CCDC3: variants seen among roughly 807,000 people sequenced by gnomAD.
CCDC3 encodes the protein coiled-coil domain-containing protein 3.
CCDC3 carries 24 observed loss-of-function variants against 21.4 expected under a neutral mutation model. The observed-to-expected ratio is 1.12, with a 90% confidence interval of 0.81 to 1.58. CCDC3 has a LOEUF of 1.58. Among genes scored for constraint, CCDC3 ranks in the 40% most tolerant of loss-of-function variants. The pLI is 0.00. For synonymous variants in CCDC3, 186 were observed against 166.0 expected (o/e 1.12, Z -0.93); for missense variants, 425 against 360.9 (o/e 1.18, Z -1.44).
intron 2 of CCDC3, among the ~76,000 whole-genome samples, chr10:12,903,242 TGATGGAGCC>T (rs1327458152): frequency 1.3e-5 from 2 of 152,208 alleles, no homozygotes; most frequent in African/African-American, 2.4e-5. Flanking sequence ...AAGCCACTGC[TGATGGAGCC>T]GATGGAGCCC....
intron 3 of CCDC3, among the ~76,000 whole-genome samples, chr10:13,088,535 T>C (rs571009465): frequency 5.4e-4 from 82 of 152,148 alleles, no homozygotes; most frequent in African/African-American, 1.9e-3. Flanking sequence ...TGAAAAGTAA[T>C]ATGAGAACTA....
At chr10:12,996,822 C>T (rs188250670) in intron 2 of CCDC3, among the ~76,000 whole-genome samples, 127 of 152,148 alleles carry the variant, frequency 8.3e-4, no homozygotes, top group African/African-American at 2.6e-3. Context: ...AGCAAATGAA[C>T]GCAGGAACAG....
chr10:12,993,343 C>T (rs545398560), intron 2 of CCDC3, among the ~76,000 whole-genome samples: 82 of 152,266 alleles, frequency 5.4e-4, no homozygotes, highest in African/African-American at 1.9e-3. Context: ...CACGGTCATT[C>T]CTCTGGAAAT....
chr10:12,914,622 T>C (rs1017771961), intron 2 of CCDC3, among the ~76,000 whole-genome samples: 3 of 151,894 alleles, frequency 2.0e-5, no homozygotes, highest in African/African-American at 7.3e-5. Flanking sequence ...TTTTTTGTAT[T>C]GTGTAGAGCC....
chr10:13,027,690 G>A (rs1239612573), intron 5 of CCDC3, among the ~76,000 whole-genome samples: 19 of 143,506 alleles, frequency 1.3e-4, no homozygotes, highest in East Asian at 4.5e-4. Context: ...TAGCCTGGGT[G>A]ATAGAGTGAG....
intron 2 of CCDC3, among the ~76,000 whole-genome samples, chr10:12,914,331 C>G (rs1053491186): frequency 6.6e-6 from 1 of 152,096 alleles, no homozygotes; most frequent in Non-Finnish European, 1.5e-5. Flanking sequence ...AGGAATTTAT[C>G]CATTTCTTGT....
chr10:13,086,840 G>T (rs560593570), intron 3 of CCDC3, among the ~76,000 whole-genome samples: 1 of 152,158 alleles, frequency 6.6e-6, no homozygotes, highest in East Asian at 1.9e-4. Context: ...GTCAGGAAGC[G>T]GCACCTGCCA....
chr10:13,058,226 G>C, intron 4 of CCDC3: 1 of 1,311,972 alleles, frequency 7.6e-7, no homozygotes, highest in Non-Finnish European at 1.1e-6. Flanking sequence ...GGTAGTTCTG[G>C]CAAGGCCTGC....
At chr10:12,982,836 G>C (rs899436341) in intron 2 of CCDC3, among the ~76,000 whole-genome samples, 3 of 147,548 alleles carry the variant, frequency 2.0e-5, no homozygotes, top group African/African-American at 7.5e-5. Context: ...CTCTATGCAG[G>C]GCACAATGGC....
intron 5 of CCDC3, among the ~76,000 whole-genome samples, chr10:13,036,010 G>C (rs1421822392): frequency 6.6e-6 from 1 of 152,168 alleles, no homozygotes; most frequent in South Asian, 2.1e-4. Flanking sequence ...CAGGTGTGGT[G>C]ATATGCACCT....
chr10:12,946,794 T>G (rs1834922717), intron 2 of CCDC3, among the ~76,000 whole-genome samples: 1 of 152,188 alleles, frequency 6.6e-6, no homozygotes, highest in Non-Finnish European at 1.5e-5. Flanking sequence ...TTTCCCTCCT[T>G]TAATCAACAT....
chr10:12,955,359 C>G (rs1835067042), intron 2 of CCDC3, among the ~76,000 whole-genome samples: 1 of 152,204 alleles, frequency 6.6e-6, no homozygotes, highest in African/African-American at 2.4e-5. Context: ...GGATTCCACT[C>G]CTGATCCTAC....
rs548634769 is a variant in CCDC3, at chr10:13,021,743, CCTCT to C, written c.-1-23235_-1-23232del. Among the ~76,000 whole-genome samples the C allele has an allele frequency of 2.7e-3, 416 of 152,116 alleles. 2 individuals are homozygous for C. The highest frequency in any genetic ancestry group is 9.6e-3 in the African/African-American group (399 of 41,506). ...CTCAGGCCTCTTTTCCTACTCCTCTCCTCTATTTTTTGTTTTTTTGTTTGTTTGT... is the reference window on the plus strand; with the variant it reads ...CTCAGGCCTCTTTTCCTACTCCTCTCATTTTTTGTTTTTTTGTTTGTTTGT... On this transcript the variant is annotated intron_variant, in intron 5 of 6. Transcript: ENST00000378839.
chr10:12,987,504 A>C lies in CCDC3; in HGVS notation c.549+10834T>G, dbSNP rs974606302. 2.6e-5 allele frequency among the ~76,000 whole-genome samples: 4 copies of C among 152,298 alleles called. No homozygotes were observed. The Middle Eastern group carries it at 0.014, about 518-fold the overall frequency. On this transcript the variant is annotated intron_variant, in intron 2 of 2. Transcript: ENST00000378825. Reference sequence around the variant, plus strand: ...AAACCACAGTAGGTATATTATAACCAATTTTCAGATAAAGCAACTAACCTC... The same window carrying C: ...AAACCACAGTAGGTATATTATAACCCATTTTCAGATAAAGCAACTAACCTC...
intron 2 of CCDC3, among the ~76,000 whole-genome samples, chr10:12,925,290 T>G (rs1834518137): frequency 6.6e-6 from 1 of 152,192 alleles, no homozygotes; most frequent in African/African-American, 2.4e-5. Context: ...GTCCCCAAAC[T>G]GGGTTGTACT....
intron 2 of CCDC3, among the ~76,000 whole-genome samples, chr10:12,953,039 C>T (rs1177211487): frequency 2.6e-5 from 4 of 152,012 alleles, no homozygotes; most frequent in South Asian, 4.2e-4. Flanking sequence ...CGTATTAGGC[C>T]GTTTTCACAC....
intron 4 of CCDC3, among the ~76,000 whole-genome samples, chr10:13,063,244 T>TC (rs1305600145): frequency 6.2e-5 from 2 of 32,280 alleles, no homozygotes; most frequent in Admixed American, 7.8e-4. Context: ...TGTCTTGATT[T>TC]ATCAGCTCTG....
chr10:12,928,264 A>G (rs1441309033), intron 2 of CCDC3, among the ~76,000 whole-genome samples: 1 of 152,238 alleles, frequency 6.6e-6, no homozygotes, highest in African/African-American at 2.4e-5. Flanking sequence ...ATTTTCTGTT[A>G]AGCTTGGAAA....
intron 2 of CCDC3, among the ~76,000 whole-genome samples, chr10:12,981,057 G>T (rs935970917): frequency 5.3e-5 from 8 of 151,682 alleles, no homozygotes; most frequent in African/African-American, 1.9e-4. Flanking sequence ...TTTTTTTTAA[G>T]AGACAGGGTC....
Sources: allele counts gnomAD v4.1 joint callset (sites outside exome capture counted in the v4.1 genomes callset), GRCh38; gene constraint gnomAD v4.1.1; transcripts MANE v1.5; gene names NCBI Gene and HGNC (gene_info 2026-07-23, HGNC 2026-07-21).